Variants in PAPPA2 observed in about 807,000 individuals in gnomAD.
PAPPA2 encodes pappalysin 2, also known as pappalysin-2.
Under a neutral mutation model 176.4 loss-of-function variants are expected in PAPPA2, and 86 were observed. That is an observed-to-expected ratio of 0.49 (90% confidence interval 0.41 to 0.58). The LOEUF is 0.58. PAPPA2 is among the 20% of genes least tolerant of loss of function. The pLI is 0.00. For synonymous variants in PAPPA2, 809 were observed against 852.2 expected (o/e 0.95, Z 0.88); for missense variants, 2,073 against 2,256.9 (o/e 0.92, Z 1.65).
intron 21 of PAPPA2, among the ~76,000 whole-genome samples, chr1:176,827,490 C>T (rs1197037785): frequency 6.6e-6 from 1 of 152,174 alleles, no homozygotes; most frequent in East Asian, 1.9e-4. Flanking sequence ...CCTATCCATT[C>T]TTCAAAGATT....
chr1:176,726,031 C>T (rs573887490), intron 12 of PAPPA2, among the ~76,000 whole-genome samples: 2 of 152,300 alleles, frequency 1.3e-5, no homozygotes, highest in East Asian at 1.9e-4. Flanking sequence ...CCGCCCGCCT[C>T]GGCCTCCCAA....
At chr1:176,806,592 C>T (rs1356362855) in intron 21 of PAPPA2, among the ~76,000 whole-genome samples, 2 of 152,202 alleles carry the variant, frequency 1.3e-5, no homozygotes, top group Non-Finnish European at 2.9e-5. Flanking sequence ...ACAGCTCCAT[C>T]TCTAATTAGC....
At chr1:176,641,313 A>G (rs1657073811) in intron 3 of PAPPA2, among the ~76,000 whole-genome samples, 1 of 151,982 alleles carries the variant, frequency 6.6e-6, no homozygotes, top group Admixed American at 6.6e-5. Flanking sequence ...TAGGGTTTTT[A>G]TGGTTTTAGG....
chr1:176,499,233 G>A (rs1008326198), intron 1 of PAPPA2, among the ~76,000 whole-genome samples: 2 of 152,144 alleles, frequency 1.3e-5, no homozygotes, highest in Non-Finnish European at 2.9e-5. Flanking sequence ...TTAATAATGT[G>A]ACTTCAACTA....
rs144030606 is a variant in PAPPA2 at position 176,835,107 on chromosome 1, A to C, written c.5203-5066A>C. 6.2e-3 allele frequency among the ~76,000 whole-genome samples: 945 copies of C among 152,302 alleles called. 12 individuals are homozygous for C. The highest frequency in any genetic ancestry group is 0.021 in the African/African-American group (880 of 41,566). On this transcript the variant is annotated intron_variant, in intron 21 of 22. Coordinates refer to ENST00000367662, the MANE Select transcript of PAPPA2 (RefSeq NM_020318.3). ...CCCCTTCTGTAAAGGTGCCAAAAGA[A>C]CTTAAGTTACCCTTCTTTCTCAGTA...
chr1:176,550,366 G>T (rs1650873810), intron 1 of PAPPA2, among the ~76,000 whole-genome samples: 1 of 152,232 alleles, frequency 6.6e-6, no homozygotes, highest in African/African-American at 2.4e-5. Context: ...GTTGCCTTTT[G>T]AAGAGATTCC....
intron 14 of PAPPA2, among the ~76,000 whole-genome samples, chr1:176,741,484 G>T (rs1295440249): frequency 6.6e-6 from 1 of 152,164 alleles, no homozygotes. Flanking sequence ...ACACGTGAGA[G>T]ACTACCCAAG....
rs1667605385 is a variant in PAPPA2 at position 176,844,788 on chromosome 1, C to G, written c.*2334C>G. 6.6e-6 allele frequency: 1 copy of G among 152,108 alleles called. No individual in the cohort carries two copies. The highest frequency in any genetic ancestry group is 2.4e-5 in the African/African-American group (1 of 41,422). The allele number at this position is 152,108 out of a possible 1,614,324, so 9.4% of individuals were successfully genotyped here. ...GAGATTGAGGCAGAGGAATTGTTAT[C>G]CTGGGCATTACTCAGCTCAGGAACA... On this transcript the variant is annotated 3_prime_UTR_variant, in exon 23 of 23. Coordinates refer to ENST00000367662, the MANE Select transcript of PAPPA2 (RefSeq NM_020318.3).
intron 1 of PAPPA2, among the ~76,000 whole-genome samples, chr1:176,532,672 C>G (rs766458025): frequency 1.3e-5 from 2 of 152,174 alleles, no homozygotes; most frequent in African/African-American, 4.8e-5. Context: ...TGGGTCAACG[C>G]AGCATCACTC....
At position 176,485,515 on chromosome 1, in the gene PAPPA2, C is replaced by T. The variant is rs554797621; in HGVS notation, c.-917+22097C>T. ...TACTCAGGGAAGCATTTTCTTATAA[C>T]CATATTTGGACATATATATTTTTAA... is the stretch of plus-strand genomic sequence containing the variant. On this transcript the variant is annotated intron_variant, in intron 1 of 22. Coordinates refer to ENST00000367662, the MANE Select transcript of PAPPA2 (RefSeq NM_020318.3). Among the ~76,000 whole-genome samples, 46 of 152,240 alleles carry T rather than the reference C, an allele frequency of 3.0e-4. 1 individual carries two copies. Among genetic ancestry groups the T allele is most frequent in the African/African-American group, 1.1e-3 (44 of 41,536 alleles).
chr1:176,775,775 A>C (rs1186702756), intron 17 of PAPPA2, among the ~76,000 whole-genome samples: 2 of 152,182 alleles, frequency 1.3e-5, no homozygotes, highest in African/African-American at 4.8e-5. Flanking sequence ...GTCTAGTCGA[A>C]CTTTTGATCC....
intron 1 of PAPPA2, among the ~76,000 whole-genome samples, chr1:176,468,693 T>C (rs1025903434): frequency 2.6e-5 from 4 of 152,184 alleles, no homozygotes; most frequent in Non-Finnish European, 2.9e-5. Context: ...TAAAAGCTGC[T>C]AGTCATTGGT....
chr1:176,480,454 C>T (rs1020220927), intron 1 of PAPPA2, among the ~76,000 whole-genome samples: 2 of 152,154 alleles, frequency 1.3e-5, no homozygotes, highest in African/African-American at 4.8e-5. Context: ...TTTGGCAGTC[C>T]GAACTGAGAG....
At chr1:176,731,963 G>A (rs1662180022) in intron 12 of PAPPA2, among the ~76,000 whole-genome samples, 1 of 151,988 alleles carries the variant, frequency 6.6e-6, no homozygotes, top group Non-Finnish European at 1.5e-5. Flanking sequence ...AAATTCAAGT[G>A]CCCATACTGT....
intron 10 of PAPPA2, among the ~76,000 whole-genome samples, chr1:176,709,572 T>G (rs1408250901): frequency 6.6e-6 from 1 of 152,186 alleles, no homozygotes; most frequent in African/African-American, 2.4e-5. Flanking sequence ...AAGATTCAAA[T>G]ATGTAATACC....
chr1:176,796,712 TTC>T (rs1665456548), intron 20 of PAPPA2, among the ~76,000 whole-genome samples: 1 of 151,402 alleles, frequency 6.6e-6, no homozygotes, highest in African/African-American at 2.4e-5. Flanking sequence ...TTCTTTCTTT[TTC>T]TTTCTTTCTT....
At chr1:176,554,251 A>T (rs572818188) in intron 1 of PAPPA2, among the ~76,000 whole-genome samples, 1 of 152,340 alleles carries the variant, frequency 6.6e-6, no homozygotes, top group South Asian at 2.1e-4. Flanking sequence ...AGGCAGTGCG[A>T]TCTTACTCCA....
chr1:176,521,051 G>A (rs1649188197), intron 1 of PAPPA2, among the ~76,000 whole-genome samples: 1 of 151,892 alleles, frequency 6.6e-6, no homozygotes, highest in Admixed American at 6.6e-5. Flanking sequence ...GAGGATTGAT[G>A]TAAGAAAGCA....
intron 3 of PAPPA2, among the ~76,000 whole-genome samples, chr1:176,641,883 A>T (rs1657113305): frequency 6.6e-6 from 1 of 151,960 alleles, no homozygotes; most frequent in African/African-American, 2.4e-5. Context: ...CACAAACACT[A>T]AGAAAAGTCA....
Sources: gnomAD v4.1 joint callset for allele counts (sites outside exome capture counted in the v4.1 genomes callset) on GRCh38, gnomAD v4.1.1 for gene constraint, MANE v1.5 for transcripts, NCBI Gene and HGNC (gene_info 2026-07-23, HGNC 2026-07-21) for gene names.